Variants in FAM20C observed in about 807,000 individuals in gnomAD.
FAM20C encodes extracellular serine/threonine protein kinase FAM20C.
Under a neutral mutation model 51.5 loss-of-function variants are expected in FAM20C, and 40 were observed. The observed-to-expected ratio is 0.78, with a 90% confidence interval of 0.60 to 1.01. The LOEUF (loss-of-function observed/expected upper bound fraction) is 1.01, where lower values mean the gene tolerates loss of function less well. Ranked by LOEUF, FAM20C falls within the 50% of genes least tolerant of loss-of-function variation. FAM20C has a pLI of 0.00. For missense variants in FAM20C, 861 were observed against 844.7 expected, an observed-to-expected ratio of 1.02 and a Z score of -0.24; for synonymous variants, 406 against 380.6, an observed-to-expected ratio of 1.07 and a Z score of -0.78.
At chr7:195,017 C>T (rs1346183951) in intron 1 of FAM20C, among the ~76,000 whole-genome samples, 1 of 152,212 alleles carries the variant, frequency 6.6e-6, no homozygotes, top group East Asian at 1.9e-4. Flanking sequence ...TCTCCCCACC[C>T]AAGGCTGCTC....
At chr7:216,556 T>C (rs1786972591) in intron 3 of FAM20C, among the ~76,000 whole-genome samples, 1 of 151,906 alleles carries the variant, frequency 6.6e-6, no homozygotes, top group Non-Finnish European at 1.5e-5. Flanking sequence ...CCGGGGAATC[T>C]TTTCTCCAGA....
intron 2 of FAM20C, among the ~76,000 whole-genome samples, chr7:202,856 G>A (rs903188948): frequency 5.3e-5 from 8 of 152,230 alleles, no homozygotes; most frequent in Non-Finnish European, 8.8e-5. Flanking sequence ...GAGGACGGGT[G>A]GCCATTAGAG....
In FAM20C at chr7:193,532, G is replaced by A; in HGVS notation, c.333G>A (p.Pro111=). ...NLSSHSLEKL[P]PAAEPAERAL... Reference sequence around the variant, plus strand: ...CGTCCCACTCGCTGGAGAAACTGCCGCCCGCGGCCGAGCCGGCCGAGCGCG... The same window carrying A: ...CGTCCCACTCGCTGGAGAAACTGCCACCCGCGGCCGAGCCGGCCGAGCGCG... Residue 111 remains proline (P), a synonymous_variant, in exon 1 of 10, where the codon CCG becomes CCA. Coordinates refer to ENST00000313766, the MANE Select transcript of FAM20C (RefSeq NM_020223.4). The A allele has an allele frequency of 6.7e-7, 1 of 1,495,762 alleles. No homozygotes were observed. Among genetic ancestry groups the A allele is most frequent in the Non-Finnish European group, 8.9e-7 (1 of 1,119,356 alleles). 92.7% of individuals were successfully genotyped at this position (1,495,762 alleles called of 1,614,324 possible). A position where few individuals can be genotyped will look rare whatever the true frequency, so the allele number is the denominator to read the frequency against.
chr7:205,198 T>A (rs1368505829), intron 2 of FAM20C, among the ~76,000 whole-genome samples: 1 of 150,026 alleles, frequency 6.7e-6, no homozygotes, highest in Non-Finnish European at 1.5e-5. Context: ...CTTGAGCCCC[T>A]GGCCTCAAGC....
chr7:212,895 G>C (rs1786788234), intron 3 of FAM20C, among the ~76,000 whole-genome samples: 1 of 152,178 alleles, frequency 6.6e-6, no homozygotes, highest in Non-Finnish European at 1.5e-5. Context: ...CATCACCGCA[G>C]TTGATTTTAG....
In FAM20C at chr7:230,372, TGG is replaced by T. The variant is rs58866144; in HGVS notation, c.864-16031_864-16030del. Among the ~76,000 whole-genome samples the T allele has an allele frequency of 2.3e-3, 17 of 7,482 alleles. 1 individual carries two copies. Among genetic ancestry groups the T allele is most frequent in the East Asian group, 0.013 (3 of 240 alleles). 4.9% of individuals were successfully genotyped at this position (7,482 alleles called of 152,430 possible). On this transcript the variant is annotated intron_variant, in intron 3 of 9. Transcript: ENST00000313766. Reference sequence around the variant, plus strand: ...TGCATTTCTTGTCCCCAGGACGGGGTGGGGGGGGGGGGGAACAGATCCCCGTG... The same window carrying T: ...TGCATTTCTTGTCCCCAGGACGGGGTGGGGGGGGGGGAACAGATCCCCGTG...
At chr7:232,872 C>T (rs1787741794) in intron 3 of FAM20C, among the ~76,000 whole-genome samples, 1 of 152,344 alleles carries the variant, frequency 6.6e-6, no homozygotes, top group African/African-American at 2.4e-5. Context: ...GGAGAAACAA[C>T]GAATCCTCTT....
At chr7:200,911 C>T (rs79351760) in intron 2 of FAM20C, among the ~76,000 whole-genome samples, 2 of 152,160 alleles carry the variant, frequency 1.3e-5, no homozygotes, top group East Asian at 3.9e-4. Context: ...CTCCTTGATG[C>T]CAGCCCCAGG....
chr7:246,250 C>G (rs796691361), intron 3 of FAM20C, 165 bp from the exon 4 acceptor site: 1 of 631,288 alleles, frequency 1.6e-6, no homozygotes, highest in Non-Finnish European at 2.8e-6. Context: ...TCTGAGGGCC[C>G]GTCGGCAGCT....
At chr7:245,901 C>T (rs767766162) in intron 3 of FAM20C, 36 of 153,498 alleles carry the variant, frequency 2.3e-4, no homozygotes, top group Non-Finnish European at 4.2e-4. Flanking sequence ...GAGGCGTCCA[C>T]GGCAGAGCCA....
At chr7:196,342 C>A (rs1232986255) in intron 2 of FAM20C, among the ~76,000 whole-genome samples, 2 of 152,254 alleles carry the variant, frequency 1.3e-5, no homozygotes, top group African/African-American at 4.8e-5. Context: ...AAAGGGCATC[C>A]AGTTGCTGAT....
intron 5 of FAM20C, among the ~76,000 whole-genome samples, chr7:249,655 G>C (rs1788318802): frequency 6.6e-6 from 1 of 152,176 alleles, no homozygotes; most frequent in African/African-American, 2.4e-5. Context: ...CAGGAGGATT[G>C]CTTGAGCCCA....
chr7:256,529 C>T, intron 6 of FAM20C, 125 bp from the exon 7 acceptor site: 1 of 756,048 alleles, frequency 1.3e-6, no homozygotes, highest in Admixed American at 2.2e-5. Flanking sequence ...AGCGCCGCAG[C>T]CCGGGCGGGT....
chr7:200,612 C>T (rs892684749), intron 2 of FAM20C, among the ~76,000 whole-genome samples: 1 of 152,232 alleles, frequency 6.6e-6, no homozygotes, highest in African/African-American at 2.4e-5. Flanking sequence ...CAGACATGGT[C>T]CCCACTGGGG....
chr7:211,416 T>C (rs890919749), intron 3 of FAM20C, among the ~76,000 whole-genome samples: 6 of 137,198 alleles, frequency 4.4e-5, no homozygotes, highest in Non-Finnish European at 9.5e-5. Flanking sequence ...CCTCCACCTC[T>C]TCCTCCCCAG....
Position 193,256 on chromosome 7 carries a change from G to T in FAM20C, c.57G>T (p.Val19=), listed in dbSNP as rs1202275305. 3 of 1,466,710 alleles carry T rather than the reference G, an allele frequency of 2.0e-6. No individual in the cohort carries two copies. The Admixed American group carries it at 6.4e-5, about 31-fold the overall frequency. The allele number at this position is 1,466,710 out of a possible 1,614,324, so 90.9% of individuals were successfully genotyped here. ...TGCTCATCCTGATGGTGTTCCTGGT[G>T]GCCTGCGCGCTGCACATCGCCCTGG... ...FRVLILMVFL[V]ACALHIALDL... The change falls in exon 1 of 10, where the codon GTG becomes GTT. Residue 19 remains valine (V), a synonymous_variant. Transcript: ENST00000313766.
At chr7:211,798 G>A (rs908897102) in intron 3 of FAM20C, among the ~76,000 whole-genome samples, 16 of 152,258 alleles carry the variant, frequency 1.1e-4, no homozygotes, top group African/African-American at 3.9e-4. Flanking sequence ...GTCCAAGGCC[G>A]TGGCGTCCAG....
intron 1 of FAM20C, among the ~76,000 whole-genome samples, chr7:194,756 C>A (rs117689540): frequency 0.028 from 4,273 of 150,812 alleles, 89 homozygotes; most frequent in South Asian, 0.093. Flanking sequence ...AGCGAGTGGC[C>A]AGGAAGTGTA....
chr7:215,015 G>T (rs1583298689), intron 3 of FAM20C, among the ~76,000 whole-genome samples: 1 of 152,002 alleles, frequency 6.6e-6, no homozygotes, highest in African/African-American at 2.4e-5. Context: ...ACGTGGGGAG[G>T]CCCAGCCACA....
Sources: allele counts gnomAD v4.1 joint callset (sites outside exome capture counted in the v4.1 genomes callset), GRCh38; gene constraint gnomAD v4.1.1; transcripts MANE v1.5; gene names NCBI Gene and HGNC (gene_info 2026-07-23, HGNC 2026-07-21).